The following PRTFDC1 variants were observed in gnomAD, a reference collection of about 807,000 sequenced individuals.
The protein encoded by PRTFDC1 is phosphoribosyltransferase domain-containing protein 1.
Under a neutral mutation model 34.6 loss-of-function variants are expected in PRTFDC1, and 38 were observed. The ratio of observed to expected loss-of-function variants is 1.10; its 90% confidence interval spans 0.85 to 1.44. The LOEUF (loss-of-function observed/expected upper bound fraction) is 1.44, where lower values mean the gene tolerates loss of function less well. Ranked by LOEUF, PRTFDC1 falls within the 40% of genes most tolerant of loss-of-function variation. The probability of loss-of-function intolerance (pLI) is 0.00; values close to 1 mark genes in which losing one functional copy is unlikely to be tolerated. For synonymous variants in PRTFDC1, 93 were observed against 98.1 expected (o/e 0.95, Z 0.31); for missense variants, 270 against 283.0 (o/e 0.95, Z 0.33).
Position 24,937,645 on chromosome 10 carries a change from C to T in PRTFDC1, c.156-278G>A, listed in dbSNP as rs1307528777. ...CGATCTTGGCTCACTGCAACCTCCACCTCCTGGGTTCAAGTGATTCTCCTG... is the reference window on the plus strand; with the variant it reads ...CGATCTTGGCTCACTGCAACCTCCATCTCCTGGGTTCAAGTGATTCTCCTG... On this transcript the variant is annotated intron_variant, in intron 2 of 8. Transcript: ENST00000320152. Among the ~76,000 whole-genome samples, 3 of 151,854 alleles carry T rather than the reference C, an allele frequency of 2.0e-5. No homozygotes were observed. The South Asian group carries it at 6.3e-4, about 32-fold the overall frequency.
chr10:24,865,988 T>TA (rs1043644006), intron 4 of PRTFDC1, among the ~76,000 whole-genome samples: 1 of 152,012 alleles, frequency 6.6e-6, no homozygotes, highest in Non-Finnish European at 1.5e-5. Context: ...TCAGATGAAA[T>TA]AAAAAAAGAA....
chr10:24,892,407 A>ATTT (rs59897617), intron 3 of PRTFDC1, among the ~76,000 whole-genome samples: 41 of 148,848 alleles, frequency 2.8e-4, no homozygotes, highest in African/African-American at 1.0e-3. Flanking sequence ...AGCATTTGTG[A>ATTT]TTTTTTTTTT....
At chr10:24,933,885 G>C (rs570198099) in intron 3 of PRTFDC1, among the ~76,000 whole-genome samples, 6 of 152,084 alleles carry the variant, frequency 3.9e-5, no homozygotes, top group Admixed American at 1.3e-4. Flanking sequence ...TAGAGATGAG[G>C]TTTCACCATG....
intron 3 of PRTFDC1, among the ~76,000 whole-genome samples, chr10:24,925,447 T>G (rs1443619920): frequency 6.6e-6 from 1 of 152,210 alleles, no homozygotes; most frequent in African/African-American, 2.4e-5. Flanking sequence ...ATTGTGCACA[T>G]GTACCCTAGA....
chr10:24,908,238 C>T (rs774746182), intron 3 of PRTFDC1: 9 of 390,548 alleles, frequency 2.3e-5, no homozygotes, highest in Admixed American at 1.5e-4. Flanking sequence ...CGTTGCGTTG[C>T]GTTGAATTGA....
At chr10:24,853,789 T>A (rs908132074) in intron 7 of PRTFDC1, among the ~76,000 whole-genome samples, 4 of 152,160 alleles carry the variant, frequency 2.6e-5, no homozygotes, top group Non-Finnish European at 4.4e-5. Flanking sequence ...GGATGATGGA[T>A]CAGCAGGACA....
intron 2 of PRTFDC1, among the ~76,000 whole-genome samples, chr10:24,939,903 G>T (rs993206455): frequency 6.7e-6 from 1 of 149,892 alleles, no homozygotes; most frequent in African/African-American, 2.5e-5. Context: ...TTAATCAAAA[G>T]AAAGTTGGAG....
At chr10:24,948,974 C>T (rs915903571) in intron 1 of PRTFDC1, among the ~76,000 whole-genome samples, 4 of 152,188 alleles carry the variant, frequency 2.6e-5, no homozygotes, top group Non-Finnish European at 5.9e-5. Context: ...GCTACTTATG[C>T]GACCTGGGTG....
intron 3 of PRTFDC1, among the ~76,000 whole-genome samples, chr10:24,881,309 A>G (rs1588588574): frequency 6.6e-6 from 1 of 151,936 alleles, no homozygotes; most frequent in South Asian, 2.1e-4. Context: ...GCCTCAAGTG[A>G]TCCTCCTGCC....
intron 3 of PRTFDC1, chr10:24,908,703 A>G (rs778995424): frequency 4.4e-6 from 7 of 1,573,146 alleles, no homozygotes; most frequent in Admixed American, 1.9e-5. Context: ...AGAGACACAC[A>G]TGGAGCAGTG....
intron 4 of PRTFDC1, among the ~76,000 whole-genome samples, chr10:24,864,013 C>CAAAA (rs71399939): frequency 1.0e-4 from 11 of 105,928 alleles, no homozygotes; most frequent in South Asian, 6.6e-4. Flanking sequence ...CAACTCGTCT[C>CAAAA]AAAAAAAAAA....
At chr10:24,899,390 T>C (rs76690621) in intron 3 of PRTFDC1, among the ~76,000 whole-genome samples, 17,703 of 152,138 alleles carry the variant, frequency 0.12, 1,266 homozygotes, top group East Asian at 0.29. Context: ...ACTGTGTGGT[T>C]GGGAAATGCT....
intron 4 of PRTFDC1, among the ~76,000 whole-genome samples, chr10:24,871,659 A>G (rs1847869979): frequency 6.6e-6 from 1 of 151,912 alleles, no homozygotes; most frequent in Non-Finnish European, 1.5e-5. Context: ...AAAAAAAAAA[A>G]AGGCAGACGA....
chr10:24,864,899 T>C (rs769900747), intron 4 of PRTFDC1, among the ~76,000 whole-genome samples: 5 of 152,158 alleles, frequency 3.3e-5, no homozygotes, highest in Non-Finnish European at 5.9e-5. Flanking sequence ...GCAGATTGCT[T>C]GAGGCCAGGA....
intron 3 of PRTFDC1, among the ~76,000 whole-genome samples, chr10:24,893,256 T>TTCTCTCTCTCTCTCTTTC (rs1469554589): frequency 6.6e-6 from 1 of 150,842 alleles, no homozygotes; most frequent in Non-Finnish European, 1.5e-5. Context: ...GATTCTTTTG[T>TTCTCTCTCTCTCTCTTTC]TCTCTCTCTC....
chr10:24,866,307 G>A (rs1847773153), intron 4 of PRTFDC1, among the ~76,000 whole-genome samples: 1 of 148,990 alleles, frequency 6.7e-6, no homozygotes, highest in Admixed American at 6.8e-5. Flanking sequence ...GTTGCAGTGA[G>A]CTGAGATCGT....
intron 3 of PRTFDC1, among the ~76,000 whole-genome samples, chr10:24,899,456 C>A (rs1412809068): frequency 6.6e-6 from 1 of 152,140 alleles, no homozygotes; most frequent in Non-Finnish European, 1.5e-5. Context: ...CTATTCCCGG[C>A]TATACTGTTT....
chr10:24,866,768 CCTTTCCTT>C, intron 4 of PRTFDC1, among the ~76,000 whole-genome samples: 1 of 148,666 alleles, frequency 6.7e-6, no homozygotes, highest in South Asian at 2.1e-4. Context: ...TTGTGAGCTT[CCTTTCCTT>C]GGAAGAAAAG....
intron 3 of PRTFDC1, among the ~76,000 whole-genome samples, chr10:24,925,168 A>G (rs1848851066): frequency 6.6e-6 from 1 of 152,234 alleles, no homozygotes; most frequent in Non-Finnish European, 1.5e-5. Context: ...TGTCCTTTGC[A>G]GGGACATGGA....
Sources: allele counts gnomAD v4.1 joint callset (sites outside exome capture counted in the v4.1 genomes callset), GRCh38; gene constraint gnomAD v4.1.1; transcripts MANE v1.5; gene names NCBI Gene and HGNC (gene_info 2026-07-23, HGNC 2026-07-21).